LPAR1: variants seen among roughly 807,000 people sequenced by gnomAD.
LPAR1 encodes the protein LPA receptor 1.
A neutral mutation model predicts 23.8 loss-of-function variants in LPAR1; 5 were observed. That is an observed-to-expected ratio of 0.21 (90% confidence interval 0.11 to 0.44). LPAR1 has a LOEUF of 0.44. Among genes scored for constraint, LPAR1 ranks in the 20% least tolerant of loss-of-function variants. The pLI is 0.99. For synonymous variants in LPAR1, 160 were observed against 164.7 expected (o/e 0.97, Z 0.22); for missense variants, 311 against 482.8 (o/e 0.64, Z 3.33).
chr9:110,935,028 G>C (rs1041959636), intron 5 of LPAR1, among the ~76,000 whole-genome samples: 1 of 152,128 alleles, frequency 6.6e-6, no homozygotes, highest in Non-Finnish European at 1.5e-5. Context: ...CTTTTTTCAA[G>C]GTTTAATTAG....
intron 5 of LPAR1, among the ~76,000 whole-genome samples, chr9:110,892,755 G>T (rs75349247): frequency 6.9e-6 from 1 of 145,270 alleles, no homozygotes; most frequent in African/African-American, 2.5e-5. Flanking sequence ...AGGGAGGGAG[G>T]AAGGGGAGGA....
chr9:110,941,292 TC>T lies in LPAR1; in HGVS notation c.793+128del. ...TGACATTTAATATAAAGGTGCCTCA[TC>T]CCCTTGTAATTCCTGGTGAATTACC... On this transcript the variant is annotated intron_variant, in intron 5 of 5. Coordinates refer to ENST00000683809, the MANE Select transcript of LPAR1 (RefSeq NM_001351411.2). This position sits in a 1 kb window ranked among gnomAD's most constrained non-coding sequence, Gnocchi z 6.1. 1.2e-6 allele frequency: 1 copy of T among 823,096 alleles called. No homozygotes were observed. The highest frequency in any genetic ancestry group is 1.7e-5 in the South Asian group (1 of 58,386). 51.0% of individuals were successfully genotyped at this position (823,096 alleles called of 1,614,324 possible).
intron 2 of LPAR1, among the ~76,000 whole-genome samples, chr9:110,991,482 C>G (rs1364856352): frequency 6.6e-6 from 1 of 152,044 alleles, no homozygotes; most frequent in Non-Finnish European, 1.5e-5. Context: ...ACTCTTGCAC[C>G]CAAACTTTGA....
chr9:111,021,940 G>C (rs1019184114), intron 2 of LPAR1, among the ~76,000 whole-genome samples: 17 of 139,030 alleles, frequency 1.2e-4, no homozygotes, highest in African/African-American at 4.7e-4. Context: ...CTCCAGCCTG[G>C]GTGACAGAGC....
At chr9:111,019,673 T>TAA (rs1310419023) in intron 2 of LPAR1, among the ~76,000 whole-genome samples, 3 of 144,138 alleles carry the variant, frequency 2.1e-5, no homozygotes, top group Non-Finnish European at 4.6e-5. Flanking sequence ...CCGTCTCTAC[T>TAA]AAAAAAAAAA....
chr9:110,897,872 C>T (rs965189579), intron 5 of LPAR1, among the ~76,000 whole-genome samples: 3 of 151,530 alleles, frequency 2.0e-5, no homozygotes, highest in Admixed American at 6.6e-5. Context: ...GTCTCTGCAT[C>T]ACTTTGTATT....
In LPAR1 at chr9:110,892,650, T is replaced by A. The variant is rs180854183; in HGVS notation, c.794-16928A>T. ...CTGCACTCCAGCCTGGTTGACAGAG[T>A]GAGAAAGAAAGAAAGAAAGAGAGAG... On this transcript the variant is annotated intron_variant, in intron 5 of 5. Coordinates refer to ENST00000683809, the MANE Select transcript of LPAR1 (RefSeq NM_001351411.2). Among the ~76,000 whole-genome samples the A allele has an allele frequency of 5.0e-3, 574 of 115,084 alleles. 2 individuals carry two copies. The highest frequency in any genetic ancestry group is 0.018 in the African/African-American group (524 of 28,590). 75.5% of individuals were successfully genotyped at this position (115,084 alleles called of 152,430 possible).
intron 2 of LPAR1, among the ~76,000 whole-genome samples, chr9:110,995,416 T>A (rs1443018527): frequency 6.6e-6 from 1 of 152,188 alleles, no homozygotes; most frequent in Admixed American, 6.5e-5. Context: ...ACAATCCTAA[T>A]ATCTACTTCA....
chr9:110,903,089 A>G (rs1266056928), intron 5 of LPAR1, among the ~76,000 whole-genome samples: 1 of 152,208 alleles, frequency 6.6e-6, no homozygotes, highest in Non-Finnish European at 1.5e-5. Flanking sequence ...GTCTCCTAAC[A>G]GCATAGCCAA....
At chr9:111,002,714 A>G (rs1283820610) in intron 2 of LPAR1, among the ~76,000 whole-genome samples, 1 of 152,242 alleles carries the variant, frequency 6.6e-6, no homozygotes, top group Non-Finnish European at 1.5e-5. Flanking sequence ...CTCCAGAGAT[A>G]GGATTTTTCC....
intron 5 of LPAR1, among the ~76,000 whole-genome samples, chr9:110,904,495 G>C (rs377203232): frequency 3.4e-4 from 52 of 152,146 alleles, no homozygotes; most frequent in African/African-American, 1.1e-3. Context: ...TATACTCAAA[G>C]ACATAGTAAA....
chr9:110,973,945 C>T (rs2096491012), intron 2 of LPAR1, among the ~76,000 whole-genome samples: 1 of 152,120 alleles, frequency 6.6e-6, no homozygotes, highest in African/African-American at 2.4e-5. Context: ...CCAGTGGGGG[C>T]AGATCATTAG....
chr9:110,957,784 G>A (rs1023312266), intron 4 of LPAR1, among the ~76,000 whole-genome samples: 34 of 152,064 alleles, frequency 2.2e-4, no homozygotes, highest in African/African-American at 7.7e-4. Context: ...TGGAAAAGAG[G>A]AAGGCAAATT....
chr9:110,908,250 T>A (rs1159196669), intron 5 of LPAR1, among the ~76,000 whole-genome samples: 3 of 150,620 alleles, frequency 2.0e-5, no homozygotes, highest in East Asian at 3.9e-4. Context: ...TAAATTATTT[T>A]AAAATATTAA....
At chr9:110,970,225 T>G (rs1443959372) in intron 4 of LPAR1, among the ~76,000 whole-genome samples, 1 of 152,144 alleles carries the variant, frequency 6.6e-6, no homozygotes, top group Non-Finnish European at 1.5e-5. Flanking sequence ...GATGTGGAAA[T>G]GCCCTGTCTA....
chr9:111,006,225 T>A (rs147961309), intron 2 of LPAR1, among the ~76,000 whole-genome samples: 55 of 152,316 alleles, frequency 3.6e-4, no homozygotes, highest in African/African-American at 1.3e-3. Flanking sequence ...TGCAAAAGGC[T>A]GTACACAAGA....
chr9:111,028,589 G>A (rs1318175496), intron 2 of LPAR1, among the ~76,000 whole-genome samples: 1 of 149,680 alleles, frequency 6.7e-6, no homozygotes, highest in African/African-American at 2.5e-5. Context: ...ATTATCTAAG[G>A]TGAAAATAAA....
At chr9:110,991,541 C>A (rs2096891995) in intron 2 of LPAR1, among the ~76,000 whole-genome samples, 1 of 150,358 alleles carries the variant, frequency 6.7e-6, no homozygotes, top group Non-Finnish European at 1.5e-5. Context: ...AGCTGAAACA[C>A]TATTTTGGAG....
At chr9:110,994,755 A>C (rs1444940557) in intron 2 of LPAR1, among the ~76,000 whole-genome samples, 1 of 152,232 alleles carries the variant, frequency 6.6e-6, no homozygotes. Context: ...CCATAAGAAT[A>C]GACATCCCCA....
Sources: allele counts gnomAD v4.1 joint callset (sites outside exome capture counted in the v4.1 genomes callset), GRCh38; gene constraint gnomAD v4.1.1; non-coding constraint Gnocchi (gnomAD v3.1); transcripts MANE v1.5; gene names NCBI Gene and HGNC (gene_info 2026-07-23, HGNC 2026-07-21).